The following MCF2 variants were observed in gnomAD, a reference collection of about 807,000 sequenced individuals.
The protein encoded by MCF2 is MCF.2 cell line derived transforming sequence, also known as proto-oncogene DBL.
A neutral mutation model predicts 82.5 loss-of-function variants in MCF2; 44 were observed. The observed-to-expected ratio is 0.53, with a 90% CI of 0.42 to 0.69. MCF2 has a LOEUF of 0.69. Ranked by LOEUF, MCF2 falls within the 30% of genes least tolerant of loss-of-function variation. The pLI is 0.00. For missense variants in MCF2, 623 were observed against 663.1 expected (o/e 0.94, Z 0.66); for synonymous variants, 217 against 224.9 (o/e 0.96, Z 0.32).
At chrX:139,612,459 A>G (rs1200542531) in intron 10 of MCF2, among the ~76,000 whole-genome samples, 2 of 110,790 alleles carry the variant, frequency 1.8e-5, no homozygotes, top group African/African-American at 3.3e-5. Flanking sequence ...TCTATATTCA[A>G]TGTTAATTCT....
chrX:139,590,920 T>G (rs1054091275), intron 19 of MCF2, among the ~76,000 whole-genome samples: 1 of 111,214 alleles, frequency 9.0e-6, no homozygotes, highest in Non-Finnish European at 1.9e-5. Flanking sequence ...ACATCCACCC[T>G]GAACGTAGTA....
rs146450268 is a variant in MCF2, at chrX:139,655,173, T to C, written c.-44-3385A>G. Among the ~76,000 whole-genome samples the C allele has an allele frequency of 9.8e-3, 1,095 of 112,183 alleles. 11 individuals carry two copies. Among genetic ancestry groups the C allele is most frequent in the African/African-American group, 0.033 (1,028 of 30,903 alleles). ...TTATTAGAATTTTTTACTATTTATC[T>C]GAAGCATGCCCTGGAATTTGATAGA... is the stretch of plus-strand genomic sequence containing the variant. On this transcript the variant is annotated intron_variant, in intron 1 of 27. Coordinates refer to the MCF2 transcript ENST00000414978.
At chrX:139,655,328 T>C (rs1772874937) in intron 1 of MCF2, among the ~76,000 whole-genome samples, 1 of 111,902 alleles carries the variant, frequency 8.9e-6, no homozygotes, top group African/African-American at 3.2e-5. Context: ...TCAAATTTTA[T>C]AGTCTTTCAC....
intron 19 of MCF2, among the ~76,000 whole-genome samples, chrX:139,591,910 G>A (rs1020361128): frequency 1.8e-5 from 2 of 110,272 alleles, no homozygotes; most frequent in Non-Finnish European, 3.8e-5. Context: ...AAAAAAAAGT[G>A]AGAGAGAAGG....
intron 6 of MCF2, among the ~76,000 whole-genome samples, chrX:139,623,186 T>C (rs1173617532): frequency 9.0e-6 from 1 of 111,589 alleles, no homozygotes; most frequent in African/African-American, 3.3e-5. Context: ...ATTTAAGAAC[T>C]TAAGACAGAA....
At chrX:139,656,633 T>C (rs745325563) in intron 1 of MCF2, among the ~76,000 whole-genome samples, 2 of 112,047 alleles carry the variant, frequency 1.8e-5, no homozygotes, top group Non-Finnish European at 3.8e-5. Context: ...AGTTATCAAT[T>C]GAGCAGCTGC....
chrX:139,671,924 T>C (rs1391372283), intron 1 of MCF2, among the ~76,000 whole-genome samples: 2 of 111,599 alleles, frequency 1.8e-5, no homozygotes, highest in African/African-American at 6.5e-5. Flanking sequence ...ATTTTCGCGA[T>C]ACTGATTCTT....
At chrX:139,646,082 G>T (rs930852819), upstream of MCF2, among the ~76,000 whole-genome samples, 1 of 111,526 alleles carries the variant, frequency 9.0e-6, no homozygotes, top group African/African-American at 3.3e-5. Context: ...ACTCTAGTCT[G>T]CTCCTGAGGA....
At chrX:139,644,962 T>C (rs1045637518), upstream of MCF2, among the ~76,000 whole-genome samples, 1 of 111,159 alleles carries the variant, frequency 9.0e-6, no homozygotes, top group South Asian at 3.9e-4. Context: ...AGCCTAAAAG[T>C]GTAAAAGATT....
intron 19 of MCF2, among the ~76,000 whole-genome samples, chrX:139,593,137 AT>A (rs757216128): frequency 8.9e-6 from 1 of 111,933 alleles, no homozygotes; most frequent in Non-Finnish European, 1.9e-5. Flanking sequence ...AATTCAAGGA[AT>A]TTATCCATTT....
chrX:139,682,932 T>G (rs891586987), intron 1 of MCF2, among the ~76,000 whole-genome samples: 6 of 111,573 alleles, frequency 5.4e-5, no homozygotes, highest in African/African-American at 2.0e-4. Context: ...TGTTGCAAAC[T>G]TTCTCCTTTT....
At chrX:139,675,719 G>A (rs1449472593) in intron 1 of MCF2, among the ~76,000 whole-genome samples, 2 of 112,197 alleles carry the variant, frequency 1.8e-5, no homozygotes, top group Non-Finnish European at 3.8e-5. Flanking sequence ...GCACCTGCCT[G>A]TATGAGGTAT....
intron 1 of MCF2, among the ~76,000 whole-genome samples, chrX:139,687,659 C>T (rs1209704366): frequency 9.8e-5 from 11 of 112,557 alleles, no homozygotes; most frequent in Non-Finnish European, 1.5e-4. Flanking sequence ...ATAAAATGCA[C>T]GTGGAATTGC....
intron 24 of MCF2, among the ~76,000 whole-genome samples, chrX:139,583,066 C>T (rs111518160): frequency 0.025 from 2,741 of 111,729 alleles, 40 homozygotes; most frequent in East Asian, 0.081. Context: ...CTTTTTCACT[C>T]TCATCCTCTC....
chrX:139,590,960 T>C (rs1280586908), intron 19 of MCF2, among the ~76,000 whole-genome samples: 1 of 111,653 alleles, frequency 9.0e-6, no homozygotes, highest in East Asian at 2.8e-4. Context: ...TCCCAAACTA[T>C]CTTTATATTC....
At chrX:139,614,720 C>A (rs950707729) in intron 10 of MCF2, among the ~76,000 whole-genome samples, 161 bp downstream of exon 13, 2 of 111,545 alleles carry the variant, frequency 1.8e-5, no homozygotes, top group African/African-American at 6.5e-5. Flanking sequence ...TGTACAATAA[C>A]CTCAATCTGA....
At chrX:139,645,664 C>T (rs369661586), upstream of MCF2, 26 of 1,105,961 alleles carry the variant, frequency 2.4e-5, no homozygotes, top group South Asian at 2.6e-4. Flanking sequence ...TTTGCCTGAA[C>T]GATAAGAAGA....
chrX:139,582,119 C>T (rs762642300), exon 25 of MCF2: 36 of 249,516 alleles, frequency 1.4e-4, no homozygotes, highest in African/African-American at 7.3e-4. Context: ...ATTTTGCAGC[C>T]GTAATTTTGA....
intron 6 of MCF2, among the ~76,000 whole-genome samples, chrX:139,621,620 A>C (rs111622172): frequency 4.5e-5 from 5 of 111,694 alleles, no homozygotes; most frequent in African/African-American, 9.7e-5. Flanking sequence ...CAAAAACAAG[A>C]AATGGGGAAA....
Sources: allele counts gnomAD v4.1 joint callset (sites outside exome capture counted in the v4.1 genomes callset), GRCh38; gene constraint gnomAD v4.1.1; transcripts MANE v1.5; gene names NCBI Gene and HGNC (gene_info 2026-07-23, HGNC 2026-07-21).